Variants in TBC1D22A observed in about 807,000 individuals in gnomAD.
The protein encoded by TBC1D22A is putative GTPase activator.
TBC1D22A carries 38 observed loss-of-function variants against 60.2 expected under a neutral mutation model. The observed-to-expected ratio is 0.63, with a 90% CI of 0.49 to 0.83. TBC1D22A has a LOEUF of 0.83. Ranked by LOEUF, TBC1D22A falls within the 40% of genes least tolerant of loss-of-function variation. The pLI is 0.00. For missense variants in TBC1D22A, 628 were observed against 701.0 expected (o/e 0.90, Z 1.18); for synonymous variants, 302 against 281.7 (o/e 1.07, Z -0.72).
chr22:47,103,367 A>G (rs1378311665), intron 11 of TBC1D22A, among the ~76,000 whole-genome samples: 1 of 152,126 alleles, frequency 6.6e-6, no homozygotes, highest in Non-Finnish European at 1.5e-5. Context: ...AGAAAGGGGG[A>G]AGATCCTGAA....
intron 11 of TBC1D22A, among the ~76,000 whole-genome samples, chr22:47,090,169 A>T (rs1429498553): frequency 2.6e-5 from 4 of 152,188 alleles, no homozygotes; most frequent in African/African-American, 9.7e-5. Context: ...TCACCTGGGA[A>T]TCATCTTGGG....
intron 4 of TBC1D22A, among the ~76,000 whole-genome samples, chr22:46,862,890 C>G (rs8140296): frequency 0.019 from 2,935 of 152,210 alleles, 113 homozygotes; most frequent in African/African-American, 0.067. Context: ...TGAAGAGGCA[C>G]CGTGGACCCG....
chr22:46,963,515 G>T (rs2073647283), intron 8 of TBC1D22A, among the ~76,000 whole-genome samples: 1 of 150,692 alleles, frequency 6.6e-6, no homozygotes, highest in Non-Finnish European at 1.5e-5. Context: ...CCAGCTCCCA[G>T]CGAGCACTAC....
chr22:46,824,141 ACT>A (rs1257598465), intron 4 of TBC1D22A, among the ~76,000 whole-genome samples: 2 of 152,164 alleles, frequency 1.3e-5, no homozygotes, highest in African/African-American at 4.8e-5. Flanking sequence ...GATAACTTAC[ACT>A]CAGTTTTCTG....
At chr22:47,159,838 C>T (rs1333631081) in intron 12 of TBC1D22A, among the ~76,000 whole-genome samples, 2 of 151,924 alleles carry the variant, frequency 1.3e-5, no homozygotes, top group Non-Finnish European at 2.9e-5. Context: ...ACACGCACCA[C>T]ACTCCACATA....
intron 4 of TBC1D22A, among the ~76,000 whole-genome samples, chr22:46,824,857 C>T (rs193171559): frequency 4.5e-4 from 68 of 152,100 alleles, no homozygotes; most frequent in African/African-American, 1.4e-3. Context: ...AGAAAAGAGA[C>T]GGAATTTGGC....
At chr22:46,900,405 C>T (rs1351534604) in intron 7 of TBC1D22A, among the ~76,000 whole-genome samples, 1 of 152,132 alleles carries the variant, frequency 6.6e-6, no homozygotes, top group East Asian at 1.9e-4. Context: ...CCTCCTTGGC[C>T]TCCCAAGGTG....
intron 12 of TBC1D22A, among the ~76,000 whole-genome samples, chr22:47,145,754 A>G (rs1309637577): frequency 9.2e-5 from 14 of 152,192 alleles, no homozygotes; most frequent in Admixed American, 7.9e-4. Flanking sequence ...CTCAGGTCTT[A>G]CGTTCTTTTT....
chr22:46,976,228 T>C (rs1165885810), intron 9 of TBC1D22A, among the ~76,000 whole-genome samples: 3 of 152,192 alleles, frequency 2.0e-5, no homozygotes, highest in African/African-American at 7.2e-5. Context: ...ATTTTTCACC[T>C]GAGATTTGTG....
chr22:46,983,038 T>C (rs893095520), intron 9 of TBC1D22A, among the ~76,000 whole-genome samples: 20 of 152,236 alleles, frequency 1.3e-4, no homozygotes, highest in Admixed American at 3.9e-4. Flanking sequence ...CTTGTAGTCA[T>C]CGGGTCTGGG....
chr22:47,173,572 G>A lies in TBC1D22A; in HGVS notation c.1500G>A (p.Glu500=). The part of the protein sequence containing the change: ...DDEDISLLLA[E]AYRLKFAFAD... ...AGGACATCAGCCTGTTGCTGGCCGA[G>A]GCCTACCGCCTCAAGTTTGCTTTTG... is the stretch of plus-strand genomic sequence containing the variant. Residue 500 remains glutamate, a synonymous_variant, in exon 13 of 13, where the codon GAG becomes GAA. Transcript: ENST00000337137. 6.2e-7 allele frequency: 1 copy of A among 1,614,172 alleles called. No homozygotes were observed. The highest frequency in any genetic ancestry group is 8.5e-7 in the Non-Finnish European group (1 of 1,180,024).
At chr22:47,076,408 C>CATAT (rs770188684) in intron 11 of TBC1D22A, among the ~76,000 whole-genome samples, 9 of 102,484 alleles carry the variant, frequency 8.8e-5, no homozygotes, top group Middle Eastern at 5.1e-3. Context: ...CACACACACA[C>CATAT]ATATATATAT....
intron 10 of TBC1D22A, among the ~76,000 whole-genome samples, chr22:47,000,098 A>G (rs1336019118): frequency 6.6e-6 from 1 of 152,210 alleles, no homozygotes; most frequent in Admixed American, 6.5e-5. Flanking sequence ...GAAAATTTTG[A>G]TAATTCAGTG....
At chr22:47,001,148 T>C (rs866608341) in intron 10 of TBC1D22A, among the ~76,000 whole-genome samples, 38 of 152,256 alleles carry the variant, frequency 2.5e-4, no homozygotes, top group South Asian at 6.2e-4. Context: ...TACTCCCTCA[T>C]AAAATCTAGG....
intron 10 of TBC1D22A, among the ~76,000 whole-genome samples, chr22:47,012,543 A>T (rs1464020580): frequency 6.6e-6 from 1 of 152,094 alleles, no homozygotes; most frequent in Non-Finnish European, 1.5e-5. Context: ...GGGGTCCTTC[A>T]TGGCCCTCAC....
At chr22:47,097,949 C>G (rs1283307516) in intron 11 of TBC1D22A, among the ~76,000 whole-genome samples, 1 of 152,094 alleles carries the variant, frequency 6.6e-6, no homozygotes, top group African/African-American at 2.4e-5. Flanking sequence ...GCTCTGAGTG[C>G]TAGGTATCCC....
chr22:47,166,599 G>A (rs1378019883), intron 12 of TBC1D22A, among the ~76,000 whole-genome samples: 1 of 152,230 alleles, frequency 6.6e-6, no homozygotes, highest in Non-Finnish European at 1.5e-5. Flanking sequence ...TCTGCATAGT[G>A]CTGGACACTG....
At chr22:47,111,026 TCATTTCC>T (rs2065825191) in intron 11 of TBC1D22A, among the ~76,000 whole-genome samples, 1 of 152,236 alleles carries the variant, frequency 6.6e-6, no homozygotes, top group Admixed American at 6.5e-5. Context: ...ATTTCCCTGT[TCATTTCC>T]CAGGGAGACC....
chr22:46,835,403 T>TA (rs1196781794), intron 4 of TBC1D22A, among the ~76,000 whole-genome samples: 2 of 151,896 alleles, frequency 1.3e-5, no homozygotes, highest in Non-Finnish European at 2.9e-5. Flanking sequence ...AGAGAAATCA[T>TA]AAAAAAGAAC....
Sources: allele counts gnomAD v4.1 joint callset (sites outside exome capture counted in the v4.1 genomes callset), GRCh38; gene constraint gnomAD v4.1.1; transcripts MANE v1.5; gene names NCBI Gene and HGNC (gene_info 2026-07-23, HGNC 2026-07-21).